Variants in MCC observed in about 807,000 individuals in gnomAD.
The protein encoded by MCC is MCC regulator of Wnt signaling pathway.
Under a neutral mutation model 116.2 loss-of-function variants are expected in MCC, and 90 were observed. The observed-to-expected ratio is 0.77, with a 90% CI of 0.65 to 0.92. The LOEUF (loss-of-function observed/expected upper bound fraction) is 0.92. Among genes scored for constraint, MCC ranks in the 40% least tolerant of loss-of-function variants. MCC has a pLI of 0.00. For missense variants in MCC, 1,516 were observed against 1,312.2 expected (o/e 1.16, Z -2.40); for synonymous variants, 578 against 510.5 (o/e 1.13, Z -1.78).
At chr5:113,454,395 G>A (rs954651882) in intron 1 of MCC, among the ~76,000 whole-genome samples, 1 of 152,170 alleles carries the variant, frequency 6.6e-6, no homozygotes, top group Non-Finnish European at 1.5e-5. Context: ...TTGAGCCATG[G>A]TGCCTGGCCT....
At chr5:113,238,460 ACT>A (rs1764232192) in intron 3 of MCC, among the ~76,000 whole-genome samples, 1 of 152,104 alleles carries the variant, frequency 6.6e-6, no homozygotes, top group South Asian at 2.1e-4. Context: ...CCTGCATTTC[ACT>A]CTCTCTCCTA....
In MCC at chr5:113,480,147, G is replaced by A. The variant is rs1298727155; in HGVS notation, c.170+8098C>T. Among the ~76,000 whole-genome samples the A allele has an allele frequency of 2.0e-5, 3 of 152,156 alleles. No individual in the cohort carries two copies. The East Asian group carries it at 5.8e-4, about 29-fold the overall frequency. ...GAGAATAGTAGATTATGTTTAAGAT[G>A]TATATAAATTTGTAGTTCTTTAGAT... On this transcript the variant is annotated intron_variant, in intron 1 of 18. Coordinates refer to ENST00000408903, the MANE Select transcript of MCC (RefSeq NM_001085377.2).
intron 3 of MCC, among the ~76,000 whole-genome samples, chr5:113,301,850 A>C (rs1766869474): frequency 6.6e-6 from 1 of 152,240 alleles, no homozygotes; most frequent in Non-Finnish European, 1.5e-5. Context: ...CATGATGAAA[A>C]AGATCATGTC....
chr5:113,181,286 G>C (rs1476676451), intron 3 of MCC, among the ~76,000 whole-genome samples: 1 of 152,170 alleles, frequency 6.6e-6, no homozygotes, highest in Admixed American at 6.5e-5. Flanking sequence ...ACCACTATCG[G>C]TCAGAACACC....
intron 11 of MCC, among the ~76,000 whole-genome samples, chr5:113,074,824 G>A (rs921715157): frequency 2.0e-5 from 3 of 152,266 alleles, no homozygotes; most frequent in African/African-American, 7.2e-5. Flanking sequence ...GAAGTGAGAA[G>A]AGAAGTTTAG....
At chr5:113,135,500 A>C (rs1758759866) in intron 5 of MCC, among the ~76,000 whole-genome samples, 2 of 147,982 alleles carry the variant, frequency 1.4e-5, no homozygotes, top group South Asian at 4.4e-4. Flanking sequence ...TGGAGCTTGA[A>C]GTGAACCGAG....
At chr5:113,114,421 G>C (rs1464237632) in intron 6 of MCC, among the ~76,000 whole-genome samples, 1 of 152,212 alleles carries the variant, frequency 6.6e-6, no homozygotes, top group Non-Finnish European at 1.5e-5. Context: ...ACAGGCACAA[G>C]TTGACAGGGA....
At chr5:113,358,084 C>G (rs11738587) in intron 2 of MCC, among the ~76,000 whole-genome samples, 26,143 of 152,196 alleles carry the variant, frequency 0.17, 2,947 homozygotes, top group African/African-American at 0.31. Context: ...CAAGAACTGA[C>G]ATTGCTGCAG....
chr5:113,124,829 C>G (rs1255160767), intron 5 of MCC, among the ~76,000 whole-genome samples: 1 of 152,226 alleles, frequency 6.6e-6, no homozygotes, highest in Non-Finnish European at 1.5e-5. Flanking sequence ...AAAGACTGCA[C>G]AGATTCTGTC....
At chr5:113,239,743 T>C (rs370278155) in intron 3 of MCC, among the ~76,000 whole-genome samples, 47 of 152,214 alleles carry the variant, frequency 3.1e-4, no homozygotes, top group African/African-American at 5.5e-4. Context: ...AACTATGGTA[T>C]ATACACTCAC....
chr5:113,331,154 G>A (rs1358969082), intron 3 of MCC, among the ~76,000 whole-genome samples: 1 of 148,104 alleles, frequency 6.8e-6, no homozygotes, highest in Non-Finnish European at 1.5e-5. Flanking sequence ...CTGGGTTCCT[G>A]GCAGAGGGAC....
chr5:113,467,064 A>G (rs970019761), intron 1 of MCC, among the ~76,000 whole-genome samples: 1 of 149,666 alleles, frequency 6.7e-6, no homozygotes, highest in Non-Finnish European at 1.5e-5. Flanking sequence ...GTTTGAGTTC[A>G]TTGTAGATTC....
At chr5:113,421,704 C>T (rs1197845238) in intron 1 of MCC, among the ~76,000 whole-genome samples, 1 of 152,200 alleles carries the variant, frequency 6.6e-6, no homozygotes, top group Non-Finnish European at 1.5e-5. Context: ...TCATTTTCCC[C>T]ACTATTTCTG....
At chr5:113,161,483 C>A (rs1237764461) in intron 3 of MCC, among the ~76,000 whole-genome samples, 3 of 152,156 alleles carry the variant, frequency 2.0e-5, no homozygotes, top group Non-Finnish European at 4.4e-5. Flanking sequence ...AGTGGTGAAA[C>A]AGTCAATAAA....
At chr5:113,167,632 C>A (rs1045817720) in intron 3 of MCC, among the ~76,000 whole-genome samples, 2 of 151,978 alleles carry the variant, frequency 1.3e-5, no homozygotes, top group East Asian at 1.9e-4. Flanking sequence ...CTTTCAATAA[C>A]CATTTTTATT....
chr5:113,178,378 T>G (rs1200009129), intron 3 of MCC, among the ~76,000 whole-genome samples: 3 of 151,552 alleles, frequency 2.0e-5, no homozygotes, highest in Non-Finnish European at 2.9e-5. Context: ...AGCAAAGGAT[T>G]CTGGCCTGTT....
chr5:113,425,788 G>C (rs1392071319), intron 1 of MCC, among the ~76,000 whole-genome samples: 3 of 151,894 alleles, frequency 2.0e-5, no homozygotes, highest in African/African-American at 7.3e-5. Context: ...TTTTCATTAG[G>C]GATTTTGAAT....
At chr5:113,468,727 C>T (rs1267303717) in intron 1 of MCC, among the ~76,000 whole-genome samples, 1 of 152,158 alleles carries the variant, frequency 6.6e-6, no homozygotes, top group Non-Finnish European at 1.5e-5. Flanking sequence ...CCCTCTTTTT[C>T]TATTGATTGG....
intron 1 of MCC, among the ~76,000 whole-genome samples, chr5:113,476,117 G>A (rs1019107590): frequency 1.9e-4 from 29 of 152,136 alleles, no homozygotes; most frequent in Non-Finnish European, 1.5e-4. Flanking sequence ...AAAAATGCAC[G>A]TGAACGAATT....
Sources: gnomAD v4.1 joint callset for allele counts (sites outside exome capture counted in the v4.1 genomes callset) on GRCh38, gnomAD v4.1.1 for gene constraint, MANE v1.5 for transcripts, NCBI Gene and HGNC (gene_info 2026-07-23, HGNC 2026-07-21) for gene names.